The following LUC7L3 variants were observed in gnomAD, a reference collection of about 807,000 sequenced individuals.
LUC7L3 encodes LUC7 like 3 pre-mRNA splicing factor.
LUC7L3 carries 6 observed loss-of-function variants against 66.8 expected under a neutral mutation model. That is an observed-to-expected ratio of 0.09 (90% CI 0.05 to 0.18). The LOEUF is 0.18. Among genes scored for constraint, LUC7L3 ranks in the 10% least tolerant of loss-of-function variants. The pLI is 1.00. For synonymous variants in LUC7L3, 160 were observed against 174.7 expected (o/e 0.92, Z 0.66); for missense variants, 341 against 531.1 (o/e 0.64, Z 3.52).
At chr17:50,744,867 A>G in intron 7 of LUC7L3, 54 bp downstream of exon 7, 1 of 1,483,022 alleles carries the variant, frequency 6.7e-7, no homozygotes, top group East Asian at 2.3e-5. Flanking sequence ...CCTAGAGTGC[A>G]GTGACGCGAT....
chr17:50,751,307 G>T lies in LUC7L3; in HGVS notation c.*646G>T. The T allele has an allele frequency of 1.5e-6, 2 of 1,313,048 alleles. No homozygotes were observed. The highest frequency in any genetic ancestry group is 2.0e-6 in the Non-Finnish European group (2 of 1,004,814). 81.3% of individuals were successfully genotyped at this position (1,313,048 alleles called of 1,614,324 possible). ...CCATACCTCACACAGCGTTGGTGTT[G>T]TGAGCGGCCCATGAAAAGCCAAATT... On this transcript the variant is annotated 3_prime_UTR_variant, in exon 10 of 10. Transcript: ENST00000505658.
Position 50,752,786 on chromosome 17 carries a change from T to C in LUC7L3, c.*2125T>C, listed in dbSNP as rs1971034416. The C allele has an allele frequency of 6.6e-6, 1 of 152,244 alleles. No individual in the cohort carries two copies. The highest frequency in any genetic ancestry group is 1.5e-5 in the Non-Finnish European group (1 of 68,034). 9.4% of individuals were successfully genotyped at this position (152,244 alleles called of 1,614,324 possible). On this transcript the variant is annotated 3_prime_UTR_variant, in exon 10 of 10. Transcript: ENST00000505658. ...GTGTACAGTTTTATCTGATTTGTTC[T>C]GTTTAAGACTAATTTTTATAGACTT...
In LUC7L3 at chr17:50,752,087, A is replaced by G. The variant is rs990796029; in HGVS notation, c.*1426A>G. On this transcript the variant is annotated 3_prime_UTR_variant, in exon 10 of 10. Transcript: ENST00000505658. ...CTTGATAATTAAAAAGAATACAAGCATTCCATGTACACATGTTAATTAGCA... is the reference window on the plus strand; with the variant it reads ...CTTGATAATTAAAAAGAATACAAGCGTTCCATGTACACATGTTAATTAGCA... 1 of 1,209,618 alleles carries G rather than the reference A, an allele frequency of 8.3e-7. No individual in the cohort carries two copies. Among genetic ancestry groups the G allele is most frequent in the African/African-American group, 1.6e-5 (1 of 62,166 alleles). 74.9% of individuals were successfully genotyped at this position (1,209,618 alleles called of 1,614,324 possible).
chr17:50,747,379 C>G (rs1259492152), intron 9 of LUC7L3, among the ~76,000 whole-genome samples: 1 of 151,582 alleles, frequency 6.6e-6, no homozygotes, highest in Non-Finnish European at 1.5e-5. Flanking sequence ...CTGTTAACCA[C>G]CAGGGTCTCC....
At chr17:50,742,824 T>G (rs1970433441) in intron 5 of LUC7L3, among the ~76,000 whole-genome samples, 1 of 152,194 alleles carries the variant, frequency 6.6e-6, no homozygotes, top group African/African-American at 2.4e-5. Context: ...TGGAATCAAT[T>G]AAAATACCCA....
At chr17:50,740,534 G>A (rs1970284566) in intron 3 of LUC7L3, among the ~76,000 whole-genome samples, 189 bp downstream of exon 3, 1 of 152,010 alleles carries the variant, frequency 6.6e-6, no homozygotes, top group Non-Finnish European at 1.5e-5. Flanking sequence ...AGTGCACCCT[G>A]TATGTCAGAC....
chr17:50,746,775 A>G (rs946908463), intron 9 of LUC7L3, 73 bp downstream of exon 9: 2 of 1,357,224 alleles, frequency 1.5e-6, no homozygotes, highest in African/African-American at 2.9e-5. Flanking sequence ...TTTTCTCCAG[A>G]CACAGGCAAA....
At chr17:50,737,752 A>G (rs922909193) in intron 2 of LUC7L3, among the ~76,000 whole-genome samples, 3 of 152,096 alleles carry the variant, frequency 2.0e-5, no homozygotes, top group African/African-American at 7.2e-5. Context: ...GGTCCTGTGC[A>G]TCTGTTGATC....
chr17:50,750,918 A>G lies in LUC7L3; in HGVS notation c.*257A>G, dbSNP rs1229741890. On this transcript the variant is annotated 3_prime_UTR_variant, in exon 10 of 10. Coordinates refer to ENST00000505658, the MANE Select transcript of LUC7L3 (RefSeq NM_016424.5). ...CCCCCATTAGTGTGCCTCTTTGGAA[A>G]TTATCGCCCACATTTGTAATATAGT... 6.5e-7 allele frequency: 1 copy of G among 1,535,070 alleles called. No individual in the cohort carries two copies. Among genetic ancestry groups the G allele is most frequent in the Non-Finnish European group, 8.7e-7 (1 of 1,146,540 alleles).
chr17:50,732,540 C>T (rs146384656), intron 1 of LUC7L3, among the ~76,000 whole-genome samples: 7 of 150,314 alleles, frequency 4.7e-5, no homozygotes, highest in Non-Finnish European at 1.0e-4. Context: ...TGACACCATA[C>T]CTGGCTAATT....
At chr17:50,741,424 C>T in intron 4 of LUC7L3, 178 bp downstream of exon 4, 3 of 726,590 alleles carry the variant, frequency 4.1e-6, no homozygotes, top group South Asian at 4.7e-5. Context: ...ACTGATTTTG[C>T]TAACCATAAG....
intron 1 of LUC7L3, among the ~76,000 whole-genome samples, chr17:50,726,328 T>C (rs1012154234): frequency 4.6e-5 from 7 of 152,066 alleles, no homozygotes; most frequent in Non-Finnish European, 1.0e-4. Context: ...TGTACCACCA[T>C]GTCTGGCTAA....
intron 8 of LUC7L3, 86 bp downstream of exon 8, chr17:50,746,089 T>C: frequency 6.9e-7 from 1 of 1,445,818 alleles, no homozygotes; most frequent in Non-Finnish European, 9.1e-7. Flanking sequence ...CTTGGAATGG[T>C]ACTTGGGAAG....
At chr17:50,728,619 C>A (rs1412812528) in intron 1 of LUC7L3, among the ~76,000 whole-genome samples, 2 of 152,166 alleles carry the variant, frequency 1.3e-5, no homozygotes, top group African/African-American at 4.8e-5. Flanking sequence ...GTGGCGCGAT[C>A]TCAGCTCACT....
intron 9 of LUC7L3, among the ~76,000 whole-genome samples, chr17:50,748,768 A>G (rs1040054755): frequency 3.3e-5 from 5 of 152,204 alleles, no homozygotes; most frequent in African/African-American, 4.8e-5. Flanking sequence ...TGGGTATGCT[A>G]TGATAGAGTT....
At chr17:50,723,672 T>TTTA in intron 1 of LUC7L3, 1 of 158,484 alleles carries the variant, frequency 6.3e-6, no homozygotes, top group Non-Finnish European at 1.4e-5. Context: ...TTTTTTTTTT[T>TTTA]GAGACAGAGT....
chr17:50,722,742 A>G (rs927399171), intron 1 of LUC7L3: 19 of 152,220 alleles, frequency 1.2e-4, no homozygotes, highest in African/African-American at 4.1e-4. Context: ...ATTTATTTGT[A>G]ATGGTGTGTA....
rs1166124678 is a variant in LUC7L3, at chr17:50,753,178, C to T, written c.*2517C>T. The T allele has an allele frequency of 1.3e-5, 2 of 152,408 alleles. No individual in the cohort carries two copies. The highest frequency in any genetic ancestry group is 4.8e-5 in the African/African-American group (2 of 41,420). The allele number at this position is 152,408 out of a possible 1,614,324, so 9.4% of individuals were successfully genotyped here. A position where few individuals can be genotyped will look rare whatever the true frequency, so the allele number is the denominator to read the frequency against. On this transcript the variant is annotated 3_prime_UTR_variant, in exon 10 of 10. Coordinates refer to ENST00000505658, the MANE Select transcript of LUC7L3 (RefSeq NM_016424.5). ...CCGGCAGCATGTTTCTATCTATAGC[C>T]AGCTTCTTCGACTGTATAAAAGTAT...
chr17:50,749,574 A>G (rs1297313762), intron 9 of LUC7L3, among the ~76,000 whole-genome samples: 1 of 152,214 alleles, frequency 6.6e-6, no homozygotes, highest in African/African-American at 2.4e-5. Flanking sequence ...ACGTCTTCAT[A>G]ACTGTGCAGA....
Sources: gnomAD v4.1 joint callset for allele counts (sites outside exome capture counted in the v4.1 genomes callset) on GRCh38, gnomAD v4.1.1 for gene constraint, MANE v1.5 for transcripts, NCBI Gene and HGNC (gene_info 2026-07-23, HGNC 2026-07-21) for gene names.